The following PPP1R9A variants were observed in gnomAD, a reference collection of about 807,000 sequenced individuals.
PPP1R9A encodes the protein protein phosphatase 1 regulatory subunit 9A.
In PPP1R9A, 59 loss-of-function variants were observed where a neutral mutation model predicts 141.9. The ratio of observed to expected loss-of-function variants is 0.42; its 90% CI spans 0.34 to 0.52. The LOEUF is 0.52. Ranked by LOEUF, PPP1R9A falls within the 20% of genes least tolerant of loss-of-function variation. The probability of loss-of-function intolerance (pLI) is 0.10; values close to 1 mark genes in which losing one functional copy is unlikely to be tolerated. For synonymous variants in PPP1R9A, 500 were observed against 569.7 expected (o/e 0.88, Z 1.74); for missense variants, 1,444 against 1,611.9 (o/e 0.90, Z 1.78).
At chr7:95,202,286 A>G (rs910131349) in intron 6 of PPP1R9A, among the ~76,000 whole-genome samples, 1 of 152,102 alleles carries the variant, frequency 6.6e-6, no homozygotes, top group African/African-American at 2.4e-5. Flanking sequence ...GGTTTAAAAT[A>G]AGCAAACAGC....
chr7:95,174,357 G>A (rs547043889), intron 5 of PPP1R9A, among the ~76,000 whole-genome samples: 2 of 152,208 alleles, frequency 1.3e-5, no homozygotes, highest in African/African-American at 2.4e-5. Context: ...TCAGAATCAC[G>A]AAGGGAGGGA....
At chr7:95,047,104 C>T (rs1810131750) in intron 2 of PPP1R9A, among the ~76,000 whole-genome samples, 1 of 152,182 alleles carries the variant, frequency 6.6e-6, no homozygotes, top group African/African-American at 2.4e-5. Flanking sequence ...GTAACACACA[C>T]CATAGTTGGC....
At chr7:95,194,047 G>C (rs1168324577) in intron 5 of PPP1R9A, among the ~76,000 whole-genome samples, 1 of 151,912 alleles carries the variant, frequency 6.6e-6, no homozygotes, top group East Asian at 1.9e-4. Context: ...TACATTAACT[G>C]CTACCCTCAA....
At chr7:95,179,166 C>T (rs185886197) in intron 5 of PPP1R9A, among the ~76,000 whole-genome samples, 2 of 152,170 alleles carry the variant, frequency 1.3e-5, no homozygotes, top group East Asian at 3.9e-4. Flanking sequence ...ATCAAAAAGC[C>T]AATCCACCAT....
chr7:95,220,587 G>A (rs1794275837), intron 7 of PPP1R9A, among the ~76,000 whole-genome samples: 1 of 152,080 alleles, frequency 6.6e-6, no homozygotes, highest in South Asian at 2.1e-4. Context: ...CTATGCAGAT[G>A]TGGCTACAAC....
intron 8 of PPP1R9A, among the ~76,000 whole-genome samples, chr7:95,241,445 T>C (rs1563483918): frequency 6.6e-6 from 1 of 152,198 alleles, no homozygotes; most frequent in Non-Finnish European, 1.5e-5. Context: ...GGATAGATTT[T>C]TCTTAATTCA....
chr7:94,969,335 C>T (rs183421539), intron 2 of PPP1R9A, among the ~76,000 whole-genome samples: 1 of 152,096 alleles, frequency 6.6e-6, no homozygotes, highest in Non-Finnish European at 1.5e-5. Flanking sequence ...TCTGTGTGGA[C>T]GTCCTTTTTG....
intron 2 of PPP1R9A, among the ~76,000 whole-genome samples, chr7:95,054,120 T>G (rs936697555): frequency 3.3e-5 from 5 of 151,160 alleles, no homozygotes; most frequent in Non-Finnish European, 5.9e-5. Flanking sequence ...CTGTGTTTTT[T>G]TTTTTTTTTT....
At chr7:95,207,885 T>C (rs1455434504) in intron 7 of PPP1R9A, among the ~76,000 whole-genome samples, 2 of 152,080 alleles carry the variant, frequency 1.3e-5, no homozygotes, top group Non-Finnish European at 2.9e-5. Flanking sequence ...AAGACATAAA[T>C]GATAGGGAAG....
intron 7 of PPP1R9A, 32 bp from the exon 8 acceptor site, chr7:95,225,929 C>G: frequency 6.3e-7 from 1 of 1,575,240 alleles, no homozygotes; most frequent in African/African-American, 1.3e-5. Context: ...GGGGTAAGGA[C>G]AGCTGGATTT....
Position 94,948,760 on chromosome 7 carries a change from T to C in PPP1R9A, c.1395+37252T>C, listed in dbSNP as rs184363880. Among the ~76,000 whole-genome samples, 318 of 152,262 alleles carry C rather than the reference T, an allele frequency of 2.1e-3. 4 individuals are homozygous for C. Among genetic ancestry groups the C allele is most frequent in the African/African-American group, 7.2e-3 (299 of 41,564 alleles). On this transcript the variant is annotated intron_variant, in intron 2 of 19. Transcript: ENST00000433360. ...ATCCTTTTGTCATTCTCCTGGCATT[T>C]ATAGCATACTTGAAACTTGGGACTC...
rs117543111 is a variant in PPP1R9A, at chr7:95,000,722, G to A, written c.1395+89214G>A. ...TAGGTGAACAGATGAGGTAAATGATGCAGATAGGCTAATCGTCTCTCTCCA... is the reference window on the plus strand; with the variant it reads ...TAGGTGAACAGATGAGGTAAATGATACAGATAGGCTAATCGTCTCTCTCCA... On this transcript the variant is annotated intron_variant, in intron 2 of 19. Transcript: ENST00000433360. Among the ~76,000 whole-genome samples the A allele has an allele frequency of 3.8e-3, 582 of 152,234 alleles. 22 individuals are homozygous for A. Among genetic ancestry groups the A allele is most frequent in the East Asian group, 0.034 (176 of 5,174 alleles).
At chr7:95,194,053 C>A (rs1449714120) in intron 5 of PPP1R9A, among the ~76,000 whole-genome samples, 1 of 151,950 alleles carries the variant, frequency 6.6e-6, no homozygotes, top group Non-Finnish European at 1.5e-5. Flanking sequence ...AACTGCTACC[C>A]TCAATTTCCT....
intron 7 of PPP1R9A, among the ~76,000 whole-genome samples, chr7:95,221,583 G>T: frequency 6.6e-6 from 1 of 152,122 alleles, no homozygotes; most frequent in African/African-American, 2.4e-5. Flanking sequence ...CTATAATTAT[G>T]TTATTTTATA....
intron 2 of PPP1R9A, among the ~76,000 whole-genome samples, chr7:95,084,631 C>T (rs1816358143): frequency 6.6e-6 from 1 of 151,890 alleles, no homozygotes; most frequent in African/African-American, 2.4e-5. Context: ...AGTTACCAAG[C>T]ATTTTATATT....
At chr7:94,995,570 G>A (rs1443540173) in intron 2 of PPP1R9A, among the ~76,000 whole-genome samples, 1 of 151,314 alleles carries the variant, frequency 6.6e-6, no homozygotes, top group Non-Finnish European at 1.5e-5. Flanking sequence ...CTTTTCTTCT[G>A]CAATTTCTGT....
rs145038332 is a variant in PPP1R9A at position 94,936,108 on chromosome 7, G to A, written c.1395+24600G>A. Among the ~76,000 whole-genome samples, 72 of 152,248 alleles carry A rather than the reference G, an allele frequency of 4.7e-4. No homozygotes were observed. In the East Asian group the frequency reaches 0.013, roughly 28 times the overall value. ...TTAAAGTAATTTTCCTCAATAATTA[G>A]GTTTAAGTGTTGATGTCTGGGTACC... On this transcript the variant is annotated intron_variant, in intron 2 of 19. Coordinates refer to ENST00000433360, the MANE Select transcript of PPP1R9A (RefSeq NM_001166160.2).
At chr7:94,975,356 G>GTTTTTTTTT (rs68186534) in intron 2 of PPP1R9A, among the ~76,000 whole-genome samples, 41 of 120,752 alleles carry the variant, frequency 3.4e-4, no homozygotes, top group East Asian at 7.5e-4. Flanking sequence ...GTTTTTTTTT[G>GTTTTTTTTT]TTTTTTTTTT....
chr7:95,266,013 A>G (rs1801233742), intron 12 of PPP1R9A, among the ~76,000 whole-genome samples: 1 of 152,200 alleles, frequency 6.6e-6, no homozygotes, highest in Non-Finnish European at 1.5e-5. Flanking sequence ...ATTATTGAAT[A>G]GTAATAGAGC....
Sources: allele counts gnomAD v4.1 joint callset (sites outside exome capture counted in the v4.1 genomes callset), GRCh38; gene constraint gnomAD v4.1.1; transcripts MANE v1.5; gene names NCBI Gene and HGNC (gene_info 2026-07-23, HGNC 2026-07-21).